PLXDC2: variants seen among roughly 807,000 people sequenced by gnomAD.
The protein encoded by PLXDC2 is plexin domain containing 2, also known as plexin domain-containing protein 2.
A neutral mutation model predicts 68.9 loss-of-function variants in PLXDC2; 40 were observed. The observed-to-expected ratio is 0.58, with a 90% CI of 0.45 to 0.76. PLXDC2 has a LOEUF of 0.76. Ranked by LOEUF, PLXDC2 falls within the 30% of genes least tolerant of loss-of-function variation. PLXDC2 has a pLI of 0.00. For synonymous variants in PLXDC2, 243 were observed against 234.2 expected, an observed-to-expected ratio of 1.04 and a Z score of -0.34; for missense variants, 644 against 661.9, an observed-to-expected ratio of 0.97 and a Z score of 0.30.
chr10:19,868,503 T>C (rs550916447), intron 1 of PLXDC2, among the ~76,000 whole-genome samples: 1 of 152,316 alleles, frequency 6.6e-6, no homozygotes, highest in South Asian at 2.1e-4. Context: ...CTGCACCTGA[T>C]CAAAATGTAA....
At chr10:20,108,115 A>G (rs778506162) in intron 4 of PLXDC2, among the ~76,000 whole-genome samples, 7 of 152,188 alleles carry the variant, frequency 4.6e-5, no homozygotes, top group Non-Finnish European at 1.0e-4. Flanking sequence ...GAAAAACTTC[A>G]TCTTCCAATA....
intron 12 of PLXDC2, 80 bp downstream of exon 12, chr10:20,219,182 A>G (rs1227804139): frequency 1.4e-6 from 2 of 1,406,382 alleles, no homozygotes; most frequent in Non-Finnish European, 1.9e-6. Flanking sequence ...GAAAGGCAAT[A>G]CGGGCTTCTA....
intron 4 of PLXDC2, among the ~76,000 whole-genome samples, chr10:20,111,673 A>G (rs78904461): frequency 0.05 from 7,646 of 152,272 alleles, 275 homozygotes; most frequent in African/African-American, 0.1. Flanking sequence ...ATGACCAAAT[A>G]TATTTTGTAA....
chr10:20,279,639 G>C, intron 13 of PLXDC2, 64 bp from the exon 14 acceptor site: 1 of 1,268,658 alleles, frequency 7.9e-7, no homozygotes, highest in East Asian at 2.3e-5. Flanking sequence ...CTAGCAAATA[G>C]ATTTTTCTGG....
At chr10:19,979,703 G>T (rs1834518745) in intron 1 of PLXDC2, among the ~76,000 whole-genome samples, 1 of 152,136 alleles carries the variant, frequency 6.6e-6, no homozygotes, top group Non-Finnish European at 1.5e-5. Flanking sequence ...CACCTGAGTT[G>T]TTTGGGGTTT....
At chr10:20,111,424 T>G (rs1206918409) in intron 4 of PLXDC2, among the ~76,000 whole-genome samples, 3 of 152,226 alleles carry the variant, frequency 2.0e-5, no homozygotes, top group Non-Finnish European at 2.9e-5. Context: ...CTTTTTAAAT[T>G]TGGATTTCTG....
At chr10:19,856,408 A>ACT (rs1425304926) in intron 1 of PLXDC2, among the ~76,000 whole-genome samples, 2 of 150,992 alleles carry the variant, frequency 1.3e-5, no homozygotes, top group Non-Finnish European at 2.9e-5. Context: ...ACACACACAC[A>ACT]CACACTCACA....
At chr10:20,234,277 G>A (rs754228793) in intron 12 of PLXDC2, among the ~76,000 whole-genome samples, 9 of 152,164 alleles carry the variant, frequency 5.9e-5, no homozygotes, top group Non-Finnish European at 1.3e-4. Context: ...AGATGGTTTG[G>A]TGGAACAGGT....
At chr10:19,907,279 A>G (rs1189384464) in intron 1 of PLXDC2, among the ~76,000 whole-genome samples, 1 of 152,194 alleles carries the variant, frequency 6.6e-6, no homozygotes, top group Non-Finnish European at 1.5e-5. Flanking sequence ...ACTTTTAAAA[A>G]AGCTTAAGGT....
intron 1 of PLXDC2, among the ~76,000 whole-genome samples, chr10:19,961,847 G>T (rs1052031172): frequency 2.0e-5 from 3 of 152,072 alleles, no homozygotes; most frequent in Non-Finnish European, 4.4e-5. Context: ...ATACTAGGAG[G>T]GCCCTCAAAA....
At chr10:20,248,628 G>A (rs1054744210) in intron 13 of PLXDC2, among the ~76,000 whole-genome samples, 4 of 152,060 alleles carry the variant, frequency 2.6e-5, no homozygotes, top group Non-Finnish European at 2.9e-5. Context: ...GGGGTCATGC[G>A]GCTCACAGTG....
At chr10:19,844,320 CAG>C (rs1260507177) in intron 1 of PLXDC2, among the ~76,000 whole-genome samples, 1 of 152,102 alleles carries the variant, frequency 6.6e-6, no homozygotes, top group African/African-American at 2.4e-5. Flanking sequence ...CCAGCGGGTA[CAG>C]AGTTTCAGTC....
At chr10:20,157,380 C>CTTGGAGCA (rs1210966955) in intron 6 of PLXDC2, among the ~76,000 whole-genome samples, 10 of 152,066 alleles carry the variant, frequency 6.6e-5, no homozygotes, top group African/African-American at 2.4e-4. Context: ...ACAATCAAAC[C>CTTGGAGCA]CTTGCTGAGA....
chr10:19,961,630 A>AGTTC (rs1369821420), intron 1 of PLXDC2, among the ~76,000 whole-genome samples: 1 of 152,230 alleles, frequency 6.6e-6, no homozygotes, highest in African/African-American at 2.4e-5. Flanking sequence ...TAATGTGTGT[A>AGTTC]GTTCACCTAA....
At chr10:20,114,297 G>A (rs868035527) in intron 4 of PLXDC2, among the ~76,000 whole-genome samples, 13 of 152,096 alleles carry the variant, frequency 8.5e-5, no homozygotes, top group African/African-American at 1.4e-4. Context: ...ATCATGCACC[G>A]TTCTCTGTGA....
intron 9 of PLXDC2, among the ~76,000 whole-genome samples, chr10:20,182,267 C>T (rs1459363347): frequency 6.6e-6 from 1 of 151,910 alleles, no homozygotes. Flanking sequence ...GTACCACCAC[C>T]TTATGTAGCA....
In PLXDC2 at chr10:20,257,482, T is replaced by A. The variant is rs79014942; in HGVS notation, c.1473+11977T>A. 2.5e-3 allele frequency among the ~76,000 whole-genome samples: 382 copies of A among 152,256 alleles called. 3 individuals carry two copies. The highest frequency in any genetic ancestry group is 8.5e-3 in the African/African-American group (353 of 41,548). On this transcript the variant is annotated intron_variant, in intron 13 of 13. Coordinates refer to ENST00000377252, the MANE Select transcript of PLXDC2 (RefSeq NM_032812.9). ...GACACAAACACAAACAACAAAGAAG[T>A]CTATAGTTCTCCTATTTAGAGAATA...
chr10:20,168,511 T>G (rs914341925), intron 7 of PLXDC2, among the ~76,000 whole-genome samples: 1 of 152,216 alleles, frequency 6.6e-6, no homozygotes, highest in African/African-American at 2.4e-5. Context: ...GGAACTTCAG[T>G]GCTTTCTGAC....
intron 1 of PLXDC2, among the ~76,000 whole-genome samples, chr10:19,818,149 GA>G (rs1317594618): frequency 6.6e-6 from 1 of 151,116 alleles, no homozygotes. Context: ...AAAGAAAAAA[GA>G]AAAAACTTGG....
Sources: allele counts gnomAD v4.1 joint callset (sites outside exome capture counted in the v4.1 genomes callset), GRCh38; gene constraint gnomAD v4.1.1; transcripts MANE v1.5; gene names NCBI Gene and HGNC (gene_info 2026-07-23, HGNC 2026-07-21).